ZNF683: variants seen among roughly 807,000 people sequenced by gnomAD.
ZNF683 encodes tissue-resident T-cell transcription regulator protein ZNF683.
In ZNF683, 20 loss-of-function variants were observed where a neutral mutation model predicts 31.4. The ratio of observed to expected loss-of-function variants is 0.64; its 90% CI spans 0.45 to 0.93. The LOEUF (loss-of-function observed/expected upper bound fraction) is 0.93, where lower values mean the gene tolerates loss of function less well. Ranked by LOEUF, ZNF683 falls within the 40% of genes least tolerant of loss-of-function variation. The pLI is 0.00. For missense variants in ZNF683, 621 were observed against 637.2 expected (o/e 0.97, Z 0.27); for synonymous variants, 264 against 267.6 (o/e 0.99, Z 0.13).
At chr1:26,374,373 T>A, upstream of ZNF683, 2 of 1,287,190 alleles carry the variant, frequency 1.6e-6, no homozygotes, top group South Asian at 1.3e-5. Flanking sequence ...TAGAAAAAAA[T>A]AAAAAAGGAA....
Position 26,364,207 on chromosome 1 carries a change from G to T in ZNF683, c.1014+325C>A, listed in dbSNP as rs190743184. Among the ~76,000 whole-genome samples the T allele has an allele frequency of 2.1e-4, 32 of 152,328 alleles. No individual in the cohort carries two copies. The East Asian group carries it at 5.4e-3, about 26-fold the overall frequency. On this transcript the variant is annotated intron_variant, in intron 4 of 5. Coordinates refer to ENST00000349618, the MANE Select transcript of ZNF683 (RefSeq NM_001114759.3). The stretch of plus-strand genomic sequence containing the variant: ...GGTTGTCCAGGTAAGGGCTTTCTTT[G>T]CCCAGAGCAAATGTTGAGAGACTAA...
upstream of ZNF683, chr1:26,373,508 AG>A (rs2074709260): frequency 6.6e-6 from 1 of 152,490 alleles, no homozygotes; most frequent in South Asian, 2.1e-4. Flanking sequence ...GAAGGAAAGA[AG>A]GGGGTTCAGG....
intron 1 of ZNF683, among the ~76,000 whole-genome samples, chr1:26,369,695 T>C (rs1570269990): frequency 1.5e-5 from 2 of 130,500 alleles, no homozygotes; most frequent in South Asian, 4.7e-4. Flanking sequence ...CTGAGTGTGG[T>C]GGCTCACACC....
rs1474406343 is a variant in ZNF683, at chr1:26,370,280, C to G, written c.-14-1695G>C. On this transcript the variant is annotated intron_variant, in intron 1 of 5. Coordinates refer to ENST00000349618, the MANE Select transcript of ZNF683 (RefSeq NM_001114759.3). The stretch of plus-strand genomic sequence containing the variant: ...AGCTGAGGACACCTCAGTGTCGTGT[C>G]ACCCAGGCTGCCCAGCTCAGCGCTC... Among the ~76,000 whole-genome samples, 3 of 152,166 alleles carry G rather than the reference C, an allele frequency of 2.0e-5. No homozygotes were observed. In the South Asian group the frequency reaches 6.2e-4, roughly 32 times the overall value.
intron 3 of ZNF683, among the ~76,000 whole-genome samples, chr1:26,365,634 G>A (rs569239193): frequency 6.6e-6 from 1 of 152,340 alleles, no homozygotes; most frequent in East Asian, 1.9e-4. Flanking sequence ...CATTTACAGT[G>A]CTCAGCAGGT....
At position 26,372,631 on chromosome 1, in the gene ZNF683, A is replaced by G; in HGVS notation, c.-15+38T>C. The G allele has an allele frequency of 6.1e-6, 8 of 1,304,324 alleles. No individual in the cohort carries two copies. In the South Asian group the frequency reaches 6.2e-5, roughly 10 times the overall value. The allele number at this position is 1,304,324 out of a possible 1,614,324, so 80.8% of individuals were successfully genotyped here. On this transcript the variant is annotated intron_variant, in intron 1 of 5. Transcript: ENST00000349618. ...CACAACTTCTCTGTTAGAAAAAAAT[A>G]AAAACTACTTCCCCTCTATCCGCAC...
upstream of ZNF683, chr1:26,374,470 TC>T: frequency 9.0e-7 from 1 of 1,108,416 alleles, no homozygotes; most frequent in Non-Finnish European, 1.2e-6. Context: ...GAGGACAGAC[TC>T]CCTCAGGTTC....
At position 26,368,447 on chromosome 1, in the gene ZNF683, T is replaced by G. The variant is rs369009806; in HGVS notation, c.114+11A>C. The G allele has an allele frequency of 6.4e-7, 1 of 1,564,906 alleles. No homozygotes were observed. Among genetic ancestry groups the G allele is most frequent in the Non-Finnish European group, 8.6e-7 (1 of 1,158,012 alleles). On this transcript the variant is annotated intron_variant, in intron 2 of 5. Coordinates refer to ENST00000349618, the MANE Select transcript of ZNF683 (RefSeq NM_001114759.3). ...ACTACCCACAAAGGTAAGGCTGGGG[T>G]TCTACCTTACCTGGTCACCTCGGAA...
chr1:26,363,498 A>T lies in ZNF683; in HGVS notation c.1015-344T>A, dbSNP rs138310763. On this transcript the variant is annotated intron_variant, in intron 4 of 5. Transcript: ENST00000349618. Reference sequence around the variant, plus strand: ...CAAAAACTCTGGGAGGGCTGGGCACACTCTCGTGGCTGTAATCCCAGCATT... The same window carrying T: ...CAAAAACTCTGGGAGGGCTGGGCACTCTCTCGTGGCTGTAATCCCAGCATT... Among the ~76,000 whole-genome samples, 1,197 of 152,104 alleles carry T rather than the reference A, an allele frequency of 7.9e-3. 15 individuals are homozygous for T. Among genetic ancestry groups the T allele is most frequent in the African/African-American group, 0.027 (1,140 of 41,464 alleles).
chr1:26,362,091 C>T, intron 5 of ZNF683, 69 bp from the exon 6 acceptor site: 2 of 1,613,976 alleles, frequency 1.2e-6, no homozygotes, highest in Non-Finnish European at 1.7e-6. Flanking sequence ...TCCCTCTCCT[C>T]ATCTTGGAAA....
intron 2 of ZNF683, 78 bp downstream of exon 2, chr1:26,368,380 G>A (rs1222277833): frequency 3.2e-5 from 46 of 1,452,486 alleles, no homozygotes; most frequent in East Asian, 1.0e-4. Flanking sequence ...CCCTTCAGAC[G>A]TTCCCCTTTT....
intron 4 of ZNF683, among the ~76,000 whole-genome samples, chr1:26,363,563 T>C (rs759414330): frequency 1.0e-4 from 15 of 150,632 alleles, no homozygotes; most frequent in Non-Finnish European, 2.2e-4. Context: ...AGCCCAGGAG[T>C]TCAATACCAG....
intron 5 of ZNF683, among the ~76,000 whole-genome samples, 176 bp downstream of exon 5, chr1:26,362,850 A>G (rs556126341): frequency 2.0e-4 from 31 of 152,162 alleles, no homozygotes; most frequent in Admixed American, 1.2e-3. Context: ...CTTTGGAGTG[A>G]CCTTCAGTAT....
At chr1:26,366,318 G>A (rs560179645) in intron 3 of ZNF683, among the ~76,000 whole-genome samples, 1 of 137,624 alleles carries the variant, frequency 7.3e-6, no homozygotes, top group South Asian at 2.3e-4. Context: ...AGCCATGATT[G>A]TGTCCCTGCA....
rs78769965 is a variant in ZNF683, at chr1:26,367,501, C to T, written c.319+92G>A. On this transcript the variant is annotated intron_variant, in intron 3 of 5. Coordinates refer to ENST00000349618, the MANE Select transcript of ZNF683 (RefSeq NM_001114759.3). ...AGCTCTGTCTTCATCAGTGACACTG[C>T]GTCCTCTCCACCACCCATCCCCAAA... The T allele has an allele frequency of 6.5e-4, 849 of 1,298,384 alleles. 7 individuals are homozygous for T. In the Admixed American group the frequency reaches 0.015, roughly 23 times the overall value. The allele number at this position is 1,298,384 out of a possible 1,614,324, so 80.4% of individuals were successfully genotyped here.
At chr1:26,362,170 C>T (rs372846363) in intron 5 of ZNF683, 148 bp from the exon 6 acceptor site, 500 of 1,593,754 alleles carry the variant, frequency 3.1e-4, no homozygotes, top group Non-Finnish European at 4.1e-4. Context: ...CTGGAACCCA[C>T]GGTATCTAGC....
At position 26,361,693 on chromosome 1, in the gene ZNF683, AC is replaced by A; in HGVS notation, c.1472del (p.Ser491MetfsTer7). On this transcript the variant is annotated frameshift_variant, in exon 6 of 6. Transcript: ENST00000349618. LOFTEE classifies it low-confidence loss of function (END_TRUNC). The stretch of plus-strand genomic sequence containing the variant: ...GCCCCATCACCAGGGGAGTCCCGGC[AC>A]TGCTCAGGCTCACTGCTCTTGCTTT... Reference protein sequence around the residue: ...QGKARAVSLSSAGTPLVMGQD... With the variant: ...QGKARAVSLSXAGTPLVMGQD... 2 of 1,613,946 alleles carry A rather than the reference AC, an allele frequency of 1.2e-6. No individual in the cohort carries two copies. Among genetic ancestry groups the A allele is most frequent in the Non-Finnish European group, 1.7e-6 (2 of 1,179,862 alleles).
Position 26,363,119 on chromosome 1 carries a change from G to A in ZNF683, c.1050C>T (p.Phe350=), listed in dbSNP as rs1350474013. The A allele has an allele frequency of 3.1e-6, 5 of 1,612,554 alleles. No individual in the cohort carries two copies. Among genetic ancestry groups the A allele is most frequent in the Non-Finnish European group, 4.2e-6 (5 of 1,179,352 alleles). The stretch of plus-strand genomic sequence containing the variant: ...AGCTCTTCTGGCACAAGGCACACTG[G>A]AATGGACGCTCTCCACTGTGCACAC... The part of the protein sequence containing the change: ...HLRVHSGERP[F]QCALCQKSFT... Residue 350 remains phenylalanine (F), a synonymous_variant, in exon 5 of 6, where the codon TTC becomes TTT. Coordinates refer to ENST00000349618, the MANE Select transcript of ZNF683 (RefSeq NM_001114759.3).
Position 26,363,150 on chromosome 1 carries a change from T to C in ZNF683, c.1019A>G (p.His340Arg). 6.2e-7 allele frequency: 1 copy of C among 1,604,450 alleles called. No individual in the cohort carries two copies. The highest frequency in any genetic ancestry group is 1.1e-5 in the South Asian group (1 of 90,574). Residue 340 changes from histidine (H) to arginine (R), a missense_variant, in exon 5 of 6, where the codon CAC (histidine) becomes CGC (arginine). Coordinates refer to ENST00000349618, the MANE Select transcript of ZNF683 (RefSeq NM_001114759.3). ...SFGQLSNLKV[H>R]LRVHSGERPF... ...ACGCTCTCCACTGTGCACACGCAGG[T>C]GGACCTGAGTCAGATGCGGGATAAA...
Sources: gnomAD v4.1 joint callset for allele counts (sites outside exome capture counted in the v4.1 genomes callset) on GRCh38, gnomAD v4.1.1 for gene constraint, MANE v1.5 for transcripts, NCBI Gene and HGNC (gene_info 2026-07-23, HGNC 2026-07-21) for gene names.